Variants in CNTNAP3B observed in about 807,000 individuals in gnomAD.
CNTNAP3B encodes contactin-associated protein-like 3B.
Under a neutral mutation model 108.9 loss-of-function variants are expected in CNTNAP3B, and 25 were observed. The observed-to-expected ratio is 0.23, with a 90% CI of 0.17 to 0.32. The LOEUF is 0.32. Among genes scored for constraint, CNTNAP3B ranks in the 10% least tolerant of loss-of-function variants. CNTNAP3B has a pLI of 1.00. For synonymous variants in CNTNAP3B, 103 were observed against 473.4 expected, an observed-to-expected ratio of 0.22 and a Z score of 10.16; for missense variants, 252 against 1,210.4, an observed-to-expected ratio of 0.21 and a Z score of 11.75.
intron 3 of CNTNAP3B, among the ~76,000 whole-genome samples, chr9:42,075,396 G>T (rs1481196690): frequency 7.2e-6 from 1 of 139,690 alleles, no homozygotes; most frequent in Non-Finnish European, 1.5e-5. Context: ...AGCTCACACT[G>T]TGAGCGGGCA....
chr9:42,109,454 G>T (rs1320881135), intron 1 of CNTNAP3B, among the ~76,000 whole-genome samples: 1 of 143,854 alleles, frequency 7.0e-6, no homozygotes, highest in South Asian at 2.1e-4. Flanking sequence ...AAAAAAAAAA[G>T]AATGCATGGA....
Position 41,997,173 on chromosome 9 carries a change from A to G in CNTNAP3B, c.927+395T>C, listed in dbSNP as rs559780419. On this transcript the variant is annotated intron_variant, in intron 6 of 23. Transcript: ENST00000377561. ...TTGTTAACTTCTCAAAGTGATCCTA[A>G]ATAATGCTATGTTGGTTAGGATTGC... Among the ~76,000 whole-genome samples, 4 of 148,024 alleles carry G rather than the reference A, an allele frequency of 2.7e-5. No individual in the cohort carries two copies. The East Asian group carries it at 8.1e-4, about 30-fold the overall frequency.
At chr9:41,941,471 T>A (rs1824340673) in intron 13 of CNTNAP3B, among the ~76,000 whole-genome samples, 1 of 151,230 alleles carries the variant, frequency 6.6e-6, no homozygotes, top group Non-Finnish European at 1.5e-5. Flanking sequence ...TAAAAAAAAA[T>A]CACCAGGAAG....
intron 7 of CNTNAP3B, chr9:41,993,620 T>C (rs1825845733): frequency 5.9e-5 from 6 of 102,198 alleles, no homozygotes; most frequent in African/African-American, 2.3e-4. Context: ...TTATCAGCTG[T>C]ATATTTCTTG....
chr9:41,990,072 A>T (rs1195284486), intron 8 of CNTNAP3B, among the ~76,000 whole-genome samples: 1 of 128,760 alleles, frequency 7.8e-6, no homozygotes, highest in African/African-American at 3.1e-5. Flanking sequence ...AATGGATGAA[A>T]TTTCTTTATC....
Position 42,049,223 on chromosome 9 carries a change from T to A in CNTNAP3B, c.390+27646A>T, listed in dbSNP as rs1220347023. Among the ~76,000 whole-genome samples the A allele has an allele frequency of 1.5e-5, 2 of 135,164 alleles. 1 individual carries two copies. The highest frequency in any genetic ancestry group is 6.0e-5 in the African/African-American group (2 of 33,324). 88.7% of individuals were successfully genotyped at this position (135,164 alleles called of 152,430 possible). The stretch of plus-strand genomic sequence containing the variant: ...ATCACCACCTGGGATGGGGGCACCA[T>A]CTTTGAAATCTTATTTAAACTCTGT... On this transcript the variant is annotated intron_variant, in intron 3 of 23. Transcript: ENST00000377561.
chr9:41,966,874 T>G (rs11515904), intron 10 of CNTNAP3B, among the ~76,000 whole-genome samples: 9 of 144,628 alleles, frequency 6.2e-5, no homozygotes, highest in Non-Finnish European at 1.1e-4. Context: ...GGCCGAGGCA[T>G]GAGAATGGCA....
intron 9 of CNTNAP3B, among the ~76,000 whole-genome samples, chr9:41,982,063 C>CA (rs541712479): frequency 0.36 from 15,543 of 42,840 alleles, 1,896 homozygotes; most frequent in East Asian, 0.62. Context: ...TCTAAAGTCT[C>CA]AAAAAAAAAA....
rs185910282 is a variant in CNTNAP3B at position 42,093,372 on chromosome 9, A to T, written c.196+11257T>A. Among the ~76,000 whole-genome samples, 869 of 93,404 alleles carry T rather than the reference A, an allele frequency of 9.3e-3. 308 individuals carry two copies. The highest frequency in any genetic ancestry group is 0.016 in the Non-Finnish European group (686 of 43,786). 61.3% of individuals were successfully genotyped at this position (93,404 alleles called of 152,430 possible). A position where few individuals can be genotyped will look rare whatever the true frequency, so the allele number is the denominator to read the frequency against. ...AAACCAAACCAAAACAAAACAAATT[A>T]AAAAAAAACTACTAATTATAATTTT... is the stretch of plus-strand genomic sequence containing the variant. On this transcript the variant is annotated intron_variant, in intron 2 of 23. Coordinates refer to ENST00000377561, the MANE Select transcript of CNTNAP3B (RefSeq NM_001201380.3).
chr9:41,959,478 G>C (rs1397060613), intron 12 of CNTNAP3B, among the ~76,000 whole-genome samples: 1 of 152,300 alleles, frequency 6.6e-6, no homozygotes, highest in Non-Finnish European at 1.5e-5. Context: ...TCTGAGCCTT[G>C]ATTTCCTCAT....
At chr9:42,107,436 T>C (rs1214584251) in intron 1 of CNTNAP3B, among the ~76,000 whole-genome samples, 1 of 106,874 alleles carries the variant, frequency 9.4e-6, no homozygotes, top group Non-Finnish European at 1.9e-5. Context: ...GTGTAATAGA[T>C]AATAGTTATT....
At chr9:41,933,283 A>G (rs1824037269) in intron 14 of CNTNAP3B, among the ~76,000 whole-genome samples, 2 of 152,420 alleles carry the variant, frequency 1.3e-5, no homozygotes, top group South Asian at 2.1e-4. Context: ...TTTCTAATTA[A>G]TAGACACTAA....
intron 10 of CNTNAP3B, among the ~76,000 whole-genome samples, chr9:41,968,404 G>A (rs1318834892): frequency 2.1e-5 from 3 of 139,746 alleles, no homozygotes; most frequent in East Asian, 2.1e-4. Flanking sequence ...CCCTTCCCAC[G>A]ACTACAGAGT....
intron 3 of CNTNAP3B, among the ~76,000 whole-genome samples, chr9:42,037,382 A>C (rs1826654235): frequency 7.9e-6 from 1 of 126,380 alleles, no homozygotes; most frequent in Non-Finnish European, 1.7e-5. Flanking sequence ...AAAAACCTTC[A>C]AAAAAGATTA....
chr9:42,044,339 G>A (rs1168703428), intron 3 of CNTNAP3B, among the ~76,000 whole-genome samples: 1 of 151,086 alleles, frequency 6.6e-6, no homozygotes, highest in Admixed American at 6.6e-5. Context: ...GCATCCACCA[G>A]GGATTTGGGG....
rs866267943 is a variant in CNTNAP3B at position 42,125,506 on chromosome 9, A to T, written c.85+3504T>A. Among the ~76,000 whole-genome samples, 3 of 128,892 alleles carry T rather than the reference A, an allele frequency of 2.3e-5. 1 individual carries two copies. Among genetic ancestry groups the T allele is most frequent in the African/African-American group, 9.4e-5 (3 of 31,770 alleles). 84.6% of individuals were successfully genotyped at this position (128,892 alleles called of 152,430 possible). On this transcript the variant is annotated intron_variant, in intron 1 of 23. Coordinates refer to ENST00000377561, the MANE Select transcript of CNTNAP3B (RefSeq NM_001201380.3). ...TGAATTGTTCAAAAAGAGAAGGGGA[A>T]AGGAAGAGGAAGAAGAATGCCAAGT...
intron 4 of CNTNAP3B, among the ~76,000 whole-genome samples, chr9:42,001,339 G>A (rs1313596462): frequency 7.2e-5 from 9 of 124,510 alleles, no homozygotes; most frequent in East Asian, 2.6e-4. Flanking sequence ...GCTTGAGCTC[G>A]GGAGGTGGAG....
intron 13 of CNTNAP3B, among the ~76,000 whole-genome samples, chr9:41,942,596 G>A (rs1241337008): frequency 1.1e-4 from 16 of 149,776 alleles, no homozygotes; most frequent in African/African-American, 3.7e-4. Flanking sequence ...GGGCTACAGA[G>A]CGAGACTCTC....
intron 18 of CNTNAP3B, among the ~76,000 whole-genome samples, chr9:41,919,605 C>T (rs1241441153): frequency 4.5e-3 from 671 of 148,870 alleles, no homozygotes; most frequent in African/African-American, 0.016. Flanking sequence ...CTATAAAGGC[C>T]TTTTGAATCA....
Sources: allele counts gnomAD v4.1 joint callset (sites outside exome capture counted in the v4.1 genomes callset), GRCh38; gene constraint gnomAD v4.1.1; transcripts MANE v1.5; gene names NCBI Gene and HGNC (gene_info 2026-07-23, HGNC 2026-07-21).